Variants in VDAC1 observed in about 807,000 individuals in gnomAD.
VDAC1 encodes the protein non-selective voltage-gated ion channel VDAC1.
Under a neutral mutation model 34.7 loss-of-function variants are expected in VDAC1, and 10 were observed. That is an observed-to-expected ratio of 0.29 (90% CI 0.18 to 0.49). VDAC1 has a LOEUF of 0.49. Among genes scored for constraint, VDAC1 ranks in the 20% least tolerant of loss-of-function variants. The probability of loss-of-function intolerance (pLI) is 0.99; values close to 1 mark genes in which losing one functional copy is unlikely to be tolerated. For missense variants in VDAC1, 230 were observed against 347.9 expected, an observed-to-expected ratio of 0.66 and a Z score of 2.69; for synonymous variants, 130 against 136.0, an observed-to-expected ratio of 0.96 and a Z score of 0.30.
At chr5:133,979,423 G>GT (rs1561583199) in intron 6 of VDAC1, among the ~76,000 whole-genome samples, 57 of 59,248 alleles carry the variant, frequency 9.6e-4, no homozygotes, top group African/African-American at 2.4e-3. Context: ...TATTTTCTTT[G>GT]CTTTTTTTTT....
At chr5:133,979,900 C>G (rs1752629021) in intron 6 of VDAC1, among the ~76,000 whole-genome samples, 5 of 152,146 alleles carry the variant, frequency 3.3e-5, no homozygotes, top group Admixed American at 3.3e-4. Flanking sequence ...TTGTCCATCT[C>G]TATAGTTTTC....
chr5:134,087,604 C>T, the VDAC1 span, among the ~76,000 whole-genome samples: 1 of 152,236 alleles, frequency 6.6e-6, no homozygotes, highest in African/African-American at 2.4e-5. Flanking sequence ...CCTGTAATCC[C>T]AGCACTTTGG....
chr5:134,058,243 GC>G, the VDAC1 span, among the ~76,000 whole-genome samples: 1 of 152,062 alleles, frequency 6.6e-6, no homozygotes, highest in Non-Finnish European at 1.5e-5. Context: ...TGATAAAAAG[GC>G]TGAGTGAGTG....
the VDAC1 span, among the ~76,000 whole-genome samples, chr5:134,092,448 TA>T: frequency 6.6e-6 from 1 of 151,998 alleles, no homozygotes; most frequent in Non-Finnish European, 1.5e-5. Flanking sequence ...CTTGAAAGAA[TA>T]AGGGTGGGGT....
intron 5 of VDAC1, among the ~76,000 whole-genome samples, chr5:133,981,407 G>A (rs1399309141): frequency 6.6e-6 from 1 of 152,184 alleles, no homozygotes; most frequent in East Asian, 1.9e-4. Flanking sequence ...TTCTTACTCT[G>A]TGGCTCACAT....
At chr5:134,011,829 G>C in the VDAC1 span, among the ~76,000 whole-genome samples, 1 of 151,650 alleles carries the variant, frequency 6.6e-6, no homozygotes, top group Non-Finnish European at 1.5e-5. Flanking sequence ...TAGTAGAGAC[G>C]AGGTTTCACC....
the VDAC1 span, among the ~76,000 whole-genome samples, chr5:134,094,810 G>A: frequency 6.6e-6 from 1 of 152,124 alleles, no homozygotes; most frequent in African/African-American, 2.4e-5. Flanking sequence ...GAGCTGCCCT[G>A]GGCCCCACAG....
the VDAC1 span, among the ~76,000 whole-genome samples, chr5:134,108,746 GA>G: frequency 6.6e-6 from 1 of 152,134 alleles, no homozygotes; most frequent in Admixed American, 6.5e-5. Context: ...ACTGAGACAT[GA>G]AAAGGTGCCA....
the VDAC1 span, among the ~76,000 whole-genome samples, chr5:134,050,085 C>T: frequency 1.3e-5 from 2 of 151,914 alleles, no homozygotes; most frequent in African/African-American, 4.8e-5. Context: ...TCCGTTTCTA[C>T]TAAAAATACA....
intron 1 of VDAC1, among the ~76,000 whole-genome samples, chr5:133,998,244 T>C (rs1208138562): frequency 1.1e-4 from 16 of 152,344 alleles, no homozygotes; most frequent in Admixed American, 7.2e-4. Context: ...AAATTGGGGC[T>C]GGCTTAGATA....
At chr5:134,042,019 G>C in the VDAC1 span, among the ~76,000 whole-genome samples, 3 of 152,342 alleles carry the variant, frequency 2.0e-5, no homozygotes, top group Non-Finnish European at 2.9e-5. Flanking sequence ...AGCTCTGTGG[G>C]TTTGCACTTG....
chr5:133,994,395 C>T lies in VDAC1; in HGVS notation c.-6-1377G>A, dbSNP rs535407133. ...AGACAGAAGAGCAGCGAGCTGTTTACTCTGTCCTATTTTTGTCGCTGCTGT... is the reference window on the plus strand; with the variant it reads ...AGACAGAAGAGCAGCGAGCTGTTTATTCTGTCCTATTTTTGTCGCTGCTGT... On this transcript the variant is annotated intron_variant, in intron 1 of 8. Coordinates refer to ENST00000265333, the MANE Select transcript of VDAC1 (RefSeq NM_003374.3). Among the ~76,000 whole-genome samples the T allele has an allele frequency of 7.9e-5, 12 of 152,358 alleles. No homozygotes were observed. In the East Asian group the frequency reaches 2.3e-3, roughly 29 times the overall value.
chr5:134,104,558 A>G, the VDAC1 span, among the ~76,000 whole-genome samples: 2 of 152,188 alleles, frequency 1.3e-5, no homozygotes, highest in Non-Finnish European at 2.9e-5. Context: ...TGCTGGGGGT[A>G]GGGAGAGGGA....
At chr5:134,034,054 A>T in the VDAC1 span, among the ~76,000 whole-genome samples, 1 of 152,146 alleles carries the variant, frequency 6.6e-6, no homozygotes, top group Non-Finnish European at 1.5e-5. Flanking sequence ...CACGTGAAAA[A>T]GGTGGGGAAG....
the VDAC1 span, among the ~76,000 whole-genome samples, chr5:134,100,970 G>T: frequency 6.6e-6 from 1 of 152,264 alleles, no homozygotes; most frequent in East Asian, 1.9e-4. Context: ...TATTTTTCTT[G>T]GCCTGGCTTC....
At chr5:134,008,179 GGACCAATGA>G (rs1753786093), upstream of VDAC1, among the ~76,000 whole-genome samples, 1 of 150,688 alleles carries the variant, frequency 6.6e-6, no homozygotes. Context: ...CCGCAGGGAT[GGACCAATGA>G]GACCAGATGA....
At chr5:134,061,979 T>C in the VDAC1 span, among the ~76,000 whole-genome samples, 2 of 151,622 alleles carry the variant, frequency 1.3e-5, no homozygotes, top group African/African-American at 4.8e-5. Context: ...TTTGGGTTTT[T>C]TTGGTTTTGT....
the VDAC1 span, among the ~76,000 whole-genome samples, chr5:134,054,421 T>C: frequency 6.6e-6 from 1 of 151,826 alleles, no homozygotes; most frequent in Non-Finnish European, 1.5e-5. Flanking sequence ...CTTTCTTTTC[T>C]TTTCTCTTTT....
the VDAC1 span, among the ~76,000 whole-genome samples, chr5:134,089,290 C>T: frequency 6.6e-6 from 1 of 152,242 alleles, no homozygotes; most frequent in Non-Finnish European, 1.5e-5. Flanking sequence ...TCTATGGCTG[C>T]TCTGCCAGCT....
Sources: gnomAD v4.1 joint callset for allele counts (sites outside exome capture counted in the v4.1 genomes callset) on GRCh38, gnomAD v4.1.1 for gene constraint, MANE v1.5 for transcripts, NCBI Gene and HGNC (gene_info 2026-07-23, HGNC 2026-07-21) for gene names.